KRT84: variants seen among roughly 807,000 people sequenced by gnomAD.
KRT84 encodes the protein keratin, type II cuticular Hb4.
Under a neutral mutation model 49.0 loss-of-function variants are expected in KRT84, and 38 were observed. That is an observed-to-expected ratio of 0.78 (90% CI 0.60 to 1.02). KRT84 has a LOEUF of 1.02. Among genes scored for constraint, KRT84 ranks in the 50% least tolerant of loss-of-function variants. KRT84 has a pLI of 0.00. For missense variants in KRT84, 860 were observed against 788.6 expected (o/e 1.09, Z -1.08); for synonymous variants, 334 against 312.8 (o/e 1.07, Z -0.72).
intron 8 of KRT84, 70 bp downstream of exon 8, chr12:52,379,806 T>G (rs1939448343): frequency 7.5e-7 from 1 of 1,331,118 alleles, no homozygotes; most frequent in South Asian, 1.2e-5. Context: ...CTGACCCCAG[T>G]GTGAGCCTGA....
chr12:52,380,975 T>A (rs1293489430), intron 6 of KRT84, 105 bp downstream of exon 6: 1 of 1,461,126 alleles, frequency 6.8e-7, no homozygotes. Flanking sequence ...TTCCTTGGTT[T>A]CTGGGTCTTG....
Position 52,383,078 on chromosome 12 carries a change from G to C in KRT84, c.756-13C>G. ...TTCCTCTTCATACCTGATGATAAAG[G>C]TTAAGAGGGTGAGTGCTTACTCTGA... On this transcript the variant is annotated splice_polypyrimidine_tract_variant and intron_variant, in intron 2 of 8. Coordinates refer to ENST00000257951, the MANE Select transcript of KRT84 (RefSeq NM_033045.4). 1 of 1,612,042 alleles carries C rather than the reference G, an allele frequency of 6.2e-7. No individual in the cohort carries two copies. The highest frequency in any genetic ancestry group is 8.5e-7 in the Non-Finnish European group (1 of 1,178,188).
In KRT84 at chr12:52,382,441, A is replaced by G; in HGVS notation, c.908T>C (p.Met303Thr). 1 of 1,611,788 alleles carries G rather than the reference A, an allele frequency of 6.2e-7. No individual in the cohort carries two copies. Among genetic ancestry groups the G allele is most frequent in the Non-Finnish European group, 8.5e-7 (1 of 1,177,832 alleles). Reference sequence around the variant, plus strand: ...CTAGAGAAGATGAACCCTCACCTCCATGTAAAGCGTTTTTAGAAAGTCAAT... The same window carrying G: ...CTAGAGAAGATGAACCCTCACCTCCGTGTAAAGCGTTTTTAGAAAGTCAAT... ...QEIDFLKTLY[M>T]EEIQLLQSHI... Residue 303 changes from methionine to threonine, a missense_variant, in exon 4 of 9, where the codon ATG (methionine) becomes ACG (threonine). Met to Thr is a moderately conservative substitution (Grantham distance 81). Coordinates refer to ENST00000257951, the MANE Select transcript of KRT84 (RefSeq NM_033045.4).
chr12:52,386,785 T>A (rs912154406), upstream of KRT84, among the ~76,000 whole-genome samples: 2 of 152,170 alleles, frequency 1.3e-5, no homozygotes, highest in Admixed American at 1.3e-4. Flanking sequence ...TTAGCAATAT[T>A]GCAGCTCTTT....
At position 52,378,350 on chromosome 12, in the gene KRT84, C is replaced by T; in HGVS notation, c.1487G>A (p.Cys496Tyr). 6.7e-7 allele frequency: 1 copy of T among 1,489,650 alleles called. No individual in the cohort carries two copies. 92.3% of individuals were successfully genotyped at this position (1,489,650 alleles called of 1,614,324 possible). ...SVSSSRGGLVCGPEPLVAGST... is the reference protein window; with the variant it reads ...SVSSSRGGLVYGPEPLVAGST... ...GCCGGCAACCAAAGGCTCAGGCCCGCACACCAGGCCGCCCCGGGAGCTGCT... is the reference window on the plus strand; with the variant it reads ...GCCGGCAACCAAAGGCTCAGGCCCGTACACCAGGCCGCCCCGGGAGCTGCT... Residue 496 changes from cysteine to tyrosine, a missense_variant, in exon 9 of 9, where the codon TGC becomes TAC. Cys to Tyr is a radical substitution (Grantham distance 194, BLOSUM62 -2). Coordinates refer to ENST00000257951, the MANE Select transcript of KRT84 (RefSeq NM_033045.4).
rs1270433514 is a variant in KRT84 at position 52,380,642 on chromosome 12, G to A, written c.1204-59C>T. 24 of 1,489,348 alleles carry A rather than the reference G, an allele frequency of 1.6e-5. No individual in the cohort carries two copies. In the East Asian group the frequency reaches 4.4e-4, roughly 27 times the overall value. 92.3% of individuals were successfully genotyped at this position (1,489,348 alleles called of 1,614,324 possible). A position where few individuals can be genotyped will look rare whatever the true frequency, so the allele number is the denominator to read the frequency against. ...CAGTGCCAGGGCATCCCCAGGTTGG[G>A]TTAGAAACACGGCCCCTCTTAGTGG... On this transcript the variant is annotated intron_variant, in intron 6 of 8. Transcript: ENST00000257951.
At chr12:52,382,965 T>C (rs780947549) in intron 3 of KRT84, 40 bp downstream of exon 3, 1 of 1,581,944 alleles carries the variant, frequency 6.3e-7, no homozygotes, top group Admixed American at 1.7e-5. Context: ...CATTTGCCGG[T>C]CCAGAGGAGA....
At position 52,378,141 on chromosome 12, in the gene KRT84, C is replaced by T. The variant is rs756555748; in HGVS notation, c.1696G>A (p.Val566Ile). ...CCCTGGGTGGGCAGGGGGCAGGGGA[C>T]GCTGGGGACACAGGCCTCGCTGATG... ...MLISEACVPS[V>I]PCPLPTQGGF... is the part of the protein sequence containing the mutation. The change falls in exon 9 of 9, where the codon GTC (valine) becomes ATC (isoleucine). Residue 566 changes from valine (V) to isoleucine (I), a missense_variant. By Grantham distance (29) the Val-to-Ile change is conservative. Coordinates refer to ENST00000257951, the MANE Select transcript of KRT84 (RefSeq NM_033045.4). 2.4e-5 allele frequency: 37 copies of T among 1,566,272 alleles called. No individual in the cohort carries two copies. Among genetic ancestry groups the T allele is most frequent in the South Asian group, 1.1e-4 (9 of 83,402 alleles).
In KRT84 at chr12:52,385,190, T is replaced by C; in HGVS notation, c.396A>G (p.Pro132=). The stretch of plus-strand genomic sequence containing the variant: ...TCACAGCTGTGATAGATGGGGCTGC[T>C]GGGACTCCAACCCCTCCAACTCTGT... ...FGYRVGGVGV[P]AAPSITAVTV... Residue 132 remains proline (P), a synonymous_variant, in exon 1 of 9, where the codon CCA becomes CCG. Transcript: ENST00000257951. The C allele has an allele frequency of 6.2e-7, 1 of 1,610,070 alleles. No individual in the cohort carries two copies. The highest frequency in any genetic ancestry group is 8.5e-7 in the Non-Finnish European group (1 of 1,177,236).
intron 7 of KRT84, among the ~76,000 whole-genome samples, 165 bp downstream of exon 7, chr12:52,380,198 C>T (rs1480609212): frequency 1.3e-5 from 2 of 152,242 alleles, no homozygotes; most frequent in Admixed American, 6.5e-5. Flanking sequence ...CTAGAGCCTT[C>T]TTCTGATTCC....
intron 7 of KRT84, 60 bp downstream of exon 7, chr12:52,380,303 C>G: frequency 6.3e-7 from 1 of 1,590,658 alleles, no homozygotes; most frequent in Non-Finnish European, 8.6e-7. Flanking sequence ...CCTTCTCTTC[C>G]TTAGTCTTTC....
chr12:52,383,794 C>A lies in KRT84; in HGVS notation c.551G>T (p.Arg184Leu), dbSNP rs1613931. 9 of 1,609,110 alleles carry A rather than the reference C, an allele frequency of 5.6e-6. No individual in the cohort carries two copies. The highest frequency in any genetic ancestry group is 6.8e-6 in the Non-Finnish European group (8 of 1,176,508). ...GAGCTTATTCTGCTGCTCTAGGAAC[C>A]GAACCTAAATCCACAGGGCACAGAA... ...NKFASFIDKV[R>L]FLEQQNKLLE... Residue 184 changes from arginine (R) to leucine (L), a missense_variant, in exon 2 of 9, where the codon CGG (arginine) becomes CTG (leucine). Physicochemically the swap from Arg to Leu is moderately radical, Grantham distance 102. Transcript: ENST00000257951.
rs1939423967 is a variant in KRT84 at position 52,378,375 on chromosome 12, T to TGAC, written c.1459_1461dup (p.Val487dup). On this transcript the variant is annotated inframe_insertion, in exon 9 of 9. Coordinates refer to ENST00000257951, the MANE Select transcript of KRT84 (RefSeq NM_033045.4). ...CACACCAGGCCGCCCCGGGAGCTGCTGACGGCTGCGGAGAAAGAAAGCATC... is the reference window on the plus strand; with the variant it reads ...CACACCAGGCCGCCCCGGGAGCTGCTGACGACGGCTGCGGAGAAAGAAAGCATC... 7 of 1,459,520 alleles carry TGAC rather than the reference T, an allele frequency of 4.8e-6. No individual in the cohort carries two copies. Among genetic ancestry groups the TGAC allele is most frequent in the Non-Finnish European group, 6.3e-6 (7 of 1,108,734 alleles). 90.4% of individuals were successfully genotyped at this position (1,459,520 alleles called of 1,614,324 possible). A position where few individuals can be genotyped will look rare whatever the true frequency, so the allele number is the denominator to read the frequency against.
At chr12:52,380,971 G>T in intron 6 of KRT84, 109 bp downstream of exon 6, 2 of 1,430,150 alleles carry the variant, frequency 1.4e-6, no homozygotes, top group South Asian at 1.4e-5. Context: ...TCCATTCCTT[G>T]GTTTCTGGGT....
chr12:52,382,650 G>A lies in KRT84; in HGVS notation c.817-118C>T, dbSNP rs539434356. On this transcript the variant is annotated intron_variant, in intron 3 of 8. Transcript: ENST00000257951. The stretch of plus-strand genomic sequence containing the variant: ...TTCCCACAGATGGTAAGGTCGCTGG[G>A]TAGAAGTGAAGCTCAGCAACTTTTG... 263 of 784,736 alleles carry A rather than the reference G, an allele frequency of 3.4e-4. 1 individual carries two copies. The highest frequency in any genetic ancestry group is 4.6e-4 in the Non-Finnish European group (218 of 473,178). The allele number at this position is 784,736 out of a possible 1,614,324, so 48.6% of individuals were successfully genotyped here.
At chr12:52,380,250 G>A in intron 7 of KRT84, 113 bp downstream of exon 7, 1 of 1,289,392 alleles carries the variant, frequency 7.8e-7, no homozygotes, top group Non-Finnish European at 1.1e-6. Context: ...AGAAGGTATT[G>A]TCATCTTTAA....
At chr12:52,386,876 G>A (rs1225592171), upstream of KRT84, among the ~76,000 whole-genome samples, 6 of 152,150 alleles carry the variant, frequency 3.9e-5, no homozygotes, top group African/African-American at 4.8e-5. Context: ...TTGACTGGAC[G>A]CTTGAGATTC....
In KRT84 at chr12:52,380,590, G is replaced by A; in HGVS notation, c.1204-7C>T. On this transcript the variant is annotated splice_polypyrimidine_tract_variant and splice_region_variant and intron_variant, in intron 6 of 8. Transcript: ENST00000257951. The stretch of plus-strand genomic sequence containing the variant: ...CAGCCTCCAACTTGGCACGCTGCAG[G>A]GAAGGCAGTTTGCAGGTAGGCTTCG... 1.2e-6 allele frequency: 2 copies of A among 1,601,186 alleles called. No homozygotes were observed. Among genetic ancestry groups the A allele is most frequent in the Non-Finnish European group, 8.5e-7 (1 of 1,172,430 alleles).
rs1384883931 is a variant in KRT84, at chr12:52,381,174, T to G, written c.1109A>C (p.His370Pro). ...CCGTATGTTGCGCAGGTTGTCACAG[T>G]GTTGGCCAGCTGTCACCTGCATCTC... is the stretch of plus-strand genomic sequence containing the variant. ...YEEMQVTAGQ[H>P]CDNLRNIRNE... Residue 370 changes from histidine (H) to proline (P), a missense_variant, in exon 6 of 9, where the codon CAC becomes CCC. Physicochemically the swap from His to Pro is moderately conservative, Grantham distance 77. Coordinates refer to ENST00000257951, the MANE Select transcript of KRT84 (RefSeq NM_033045.4). 1.2e-6 allele frequency: 2 copies of G among 1,614,190 alleles called. No individual in the cohort carries two copies. The highest frequency in any genetic ancestry group is 3.3e-5 in the Admixed American group (2 of 60,030).
Sources: allele counts gnomAD v4.1 joint callset (sites outside exome capture counted in the v4.1 genomes callset), GRCh38; gene constraint gnomAD v4.1.1; transcripts MANE v1.5; gene names NCBI Gene and HGNC (gene_info 2026-07-23, HGNC 2026-07-21).